The following DKK3 variants were observed in gnomAD, a reference collection of about 807,000 sequenced individuals.
The protein encoded by DKK3 is dickkopf-related protein 3.
A neutral mutation model predicts 33.2 loss-of-function variants in DKK3; 22 were observed. That is an observed-to-expected ratio of 0.66 (90% confidence interval 0.47 to 0.95). The LOEUF is 0.95. Among genes scored for constraint, DKK3 ranks in the 40% least tolerant of loss-of-function variants. The pLI, the probability that DKK3 is intolerant of heterozygous loss-of-function variation, is 0.00. For missense variants in DKK3, 398 were observed against 458.4 expected (o/e 0.87, Z 1.20); for synonymous variants, 194 against 188.8 (o/e 1.03, Z -0.23).
chr11:11,983,002 A>G (rs1847988899), intron 3 of DKK3, among the ~76,000 whole-genome samples: 3 of 152,196 alleles, frequency 2.0e-5, no homozygotes, highest in African/African-American at 7.2e-5. Flanking sequence ...GGATTCAGGG[A>G]CAGGGTGGAA....
At chr11:11,971,610 C>A (rs145780724) in intron 3 of DKK3, among the ~76,000 whole-genome samples, 3 of 152,290 alleles carry the variant, frequency 2.0e-5, no homozygotes, top group African/African-American at 7.2e-5. Context: ...GAAAGGCCTT[C>A]GTAGACTTGC....
At chr11:12,009,281 G>C (rs1848609764), upstream of DKK3, 1 of 984,058 alleles carries the variant, frequency 1.0e-6, no homozygotes, top group South Asian at 4.7e-5. Flanking sequence ...GCGGGCCGCG[G>C]GTGCGGGAGC....
chr11:11,969,228 T>C (rs1459562925), intron 3 of DKK3, among the ~76,000 whole-genome samples: 3 of 152,176 alleles, frequency 2.0e-5, no homozygotes, highest in Non-Finnish European at 4.4e-5. Flanking sequence ...CGCCGGTCAC[T>C]GGCAGAAGCA....
chr11:11,974,937 C>T (rs1379618031), intron 3 of DKK3, among the ~76,000 whole-genome samples: 1 of 152,066 alleles, frequency 6.6e-6, no homozygotes, highest in Admixed American at 6.5e-5. Context: ...AACGAACTGA[C>T]CAGTAGATGA....
chr11:12,006,048 C>T (rs532543976), intron 1 of DKK3, among the ~76,000 whole-genome samples: 1 of 152,298 alleles, frequency 6.6e-6, no homozygotes, highest in South Asian at 2.1e-4. Flanking sequence ...AACCAACCAT[C>T]ATGTCATCCT....
Sources: gnomAD v4.1 joint callset for allele counts (sites outside exome capture counted in the v4.1 genomes callset) on GRCh38, gnomAD v4.1.1 for gene constraint, MANE v1.5 for transcripts, NCBI Gene and HGNC (gene_info 2026-07-23, HGNC 2026-07-21) for gene names.